JARID2: variants seen among roughly 807,000 people sequenced by gnomAD.
JARID2 encodes the protein jumonji and AT-rich interaction domain containing 2, also known as protein Jumonji.
Under a neutral mutation model 125.6 loss-of-function variants are expected in JARID2, and 21 were observed. The ratio of observed to expected loss-of-function variants is 0.17; its 90% CI spans 0.12 to 0.24. The LOEUF is 0.24. JARID2 is among the 10% of genes least tolerant of loss of function. The pLI, the probability that JARID2 is intolerant of heterozygous loss-of-function variation, is 1.00. For synonymous variants in JARID2, 736 were observed against 661.6 expected, an observed-to-expected ratio of 1.11 and a Z score of -1.73; for missense variants, 1,303 against 1,639.6, an observed-to-expected ratio of 0.79 and a Z score of 3.55.
At chr6:15,483,736 A>G (rs1016347324) in intron 5 of JARID2, among the ~76,000 whole-genome samples, 1 of 152,102 alleles carries the variant, frequency 6.6e-6, no homozygotes, top group African/African-American at 2.4e-5. Context: ...TTTTATGTGG[A>G]CATATTTTTT....
At chr6:15,465,810 G>GTTT (rs751431473) in intron 4 of JARID2, among the ~76,000 whole-genome samples, 2,242 of 147,606 alleles carry the variant, frequency 0.015, 57 homozygotes, top group African/African-American at 0.053. Context: ...TTGTTTGTTT[G>GTTT]TTTGTTTTTT....
chr6:15,247,515 G>A (rs1236789398), intron 1 of JARID2: 1 of 960,766 alleles, frequency 1.0e-6, no homozygotes, highest in Admixed American at 7.6e-5. Flanking sequence ...TTAGCTGCAT[G>A]CTTTAAATTA....
At chr6:15,410,517 T>A in intron 3 of JARID2, 152 bp downstream of exon 3, 1 of 732,324 alleles carries the variant, frequency 1.4e-6, no homozygotes, top group Non-Finnish European at 2.2e-6. Context: ...TCAAATGCCC[T>A]GCTTTCTAAG....
intron 1 of JARID2, among the ~76,000 whole-genome samples, chr6:15,294,394 G>A (rs1256594941): frequency 4.6e-5 from 7 of 152,106 alleles, no homozygotes; most frequent in African/African-American, 9.7e-5. Flanking sequence ...GGGTTTCACC[G>A]TGTTAGCCAG....
At chr6:15,450,650 A>G (rs918102478) in intron 3 of JARID2, among the ~76,000 whole-genome samples, 2 of 152,176 alleles carry the variant, frequency 1.3e-5, no homozygotes, top group South Asian at 4.1e-4. Context: ...GAGCAGGTCT[A>G]GGTGAACAGT....
intron 1 of JARID2, among the ~76,000 whole-genome samples, chr6:15,373,315 T>G (rs1764238874): frequency 1.3e-5 from 2 of 152,250 alleles, no homozygotes; most frequent in Admixed American, 1.3e-4. Context: ...ATTTGAGTCT[T>G]TCTTTATATC....
At chr6:15,386,371 A>G (rs1021604772) in intron 2 of JARID2, among the ~76,000 whole-genome samples, 1 of 151,886 alleles carries the variant, frequency 6.6e-6, no homozygotes, top group African/African-American at 2.4e-5. Flanking sequence ...TATCTCCAGT[A>G]TGTCTTGTTG....
rs137860261 is a variant in JARID2 at position 15,374,230 on chromosome 6, T to C, written c.159T>C (p.Ala53=). 81 of 1,613,994 alleles carry C rather than the reference T, an allele frequency of 5.0e-5. No individual in the cohort carries two copies. Among genetic ancestry groups the C allele is most frequent in the Non-Finnish European group, 6.5e-5 (77 of 1,179,974 alleles). ...SQKRQHAEGI[A]GSLKTVNGLL... is the part of the protein sequence containing the mutation. ...AGAGGCAGCATGCGGAAGGCATTGC[T>C]GGGAGCCTGAAAACTGTGAATGGTG... The change falls in exon 2 of 18, where the codon GCT becomes GCC. Residue 53 remains alanine (A), a synonymous_variant. Coordinates refer to ENST00000341776, the MANE Select transcript of JARID2 (RefSeq NM_004973.4).
intron 2 of JARID2, among the ~76,000 whole-genome samples, chr6:15,380,125 T>A (rs550568213): frequency 4.6e-5 from 7 of 151,456 alleles, no homozygotes; most frequent in Non-Finnish European, 7.4e-5. Flanking sequence ...AACCTCAGCC[T>A]CCTGGGTTCA....
intron 5 of JARID2, among the ~76,000 whole-genome samples, chr6:15,482,851 T>TG (rs1769688059): frequency 6.6e-6 from 1 of 152,240 alleles, no homozygotes. Flanking sequence ...AATGGACCTT[T>TG]AACCCATGCA....
At chr6:15,414,761 ATTGT>A (rs1453598728) in intron 3 of JARID2, among the ~76,000 whole-genome samples, 2 of 150,642 alleles carry the variant, frequency 1.3e-5, no homozygotes, top group Non-Finnish European at 1.5e-5. Flanking sequence ...GGTGGGTGAG[ATTGT>A]TTTTTTTTTA....
At chr6:15,515,291 C>T (rs1232978992) in intron 16 of JARID2, among the ~76,000 whole-genome samples, 1 of 152,090 alleles carries the variant, frequency 6.6e-6, no homozygotes, top group Non-Finnish European at 1.5e-5. Context: ...GGATTATAGG[C>T]ATGGGCCACT....
chr6:15,364,958 G>A (rs1763923418), intron 1 of JARID2, among the ~76,000 whole-genome samples: 1 of 152,172 alleles, frequency 6.6e-6, no homozygotes, highest in Non-Finnish European at 1.5e-5. Context: ...TACTGTATTA[G>A]ACGGTGCAGA....
chr6:15,514,119 T>G (rs528216885), intron 16 of JARID2, among the ~76,000 whole-genome samples: 1 of 152,212 alleles, frequency 6.6e-6, no homozygotes, highest in Non-Finnish European at 1.5e-5. Context: ...TGCTCACCCC[T>G]GTTCCAGCCC....
intron 8 of JARID2, among the ~76,000 whole-genome samples, chr6:15,502,096 G>C (rs1231771254): frequency 6.6e-6 from 1 of 152,250 alleles, no homozygotes; most frequent in Non-Finnish European, 1.5e-5. Context: ...GTGGAGGGAA[G>C]AGCTGGGGAG....
intron 2 of JARID2, among the ~76,000 whole-genome samples, chr6:15,387,949 T>G (rs1159069164): frequency 1.3e-5 from 2 of 152,180 alleles, no homozygotes; most frequent in Non-Finnish European, 2.9e-5. Context: ...CCAGCCATTT[T>G]TTATTCTTGA....
chr6:15,454,764 A>C (rs759306278), intron 4 of JARID2, among the ~76,000 whole-genome samples: 1 of 152,060 alleles, frequency 6.6e-6, no homozygotes, highest in Non-Finnish European at 1.5e-5. Flanking sequence ...GATGACAGGC[A>C]TGAGCCAACA....
intron 1 of JARID2, among the ~76,000 whole-genome samples, chr6:15,329,224 A>G (rs1264382735): frequency 1.3e-5 from 2 of 151,778 alleles, no homozygotes; most frequent in Non-Finnish European, 2.9e-5. Flanking sequence ...CCAAGCCTGT[A>G]ATTCCCTCCT....
intron 2 of JARID2, among the ~76,000 whole-genome samples, chr6:15,385,086 C>A (rs1478391487): frequency 6.6e-6 from 1 of 152,244 alleles, no homozygotes; most frequent in Non-Finnish European, 1.5e-5. Flanking sequence ...TCTGGCATAT[C>A]TGCCTATGCT....
Sources: gnomAD v4.1 joint callset for allele counts (sites outside exome capture counted in the v4.1 genomes callset) on GRCh38, gnomAD v4.1.1 for gene constraint, MANE v1.5 for transcripts, NCBI Gene and HGNC (gene_info 2026-07-23, HGNC 2026-07-21) for gene names.